The following SLC3A1 variants were observed in gnomAD, a reference collection of about 807,000 sequenced individuals.
The protein encoded by SLC3A1 is solute carrier family 3 member 1, also known as amino acid transporter heavy chain SLC3A1.
In SLC3A1, 78 loss-of-function variants were observed where a neutral mutation model predicts 60.3. The observed-to-expected ratio is 1.29, with a 90% CI of 1.08 to 1.56. The LOEUF is 1.56. Among genes scored for constraint, SLC3A1 ranks in the 40% most tolerant of loss-of-function variants. The pLI is 0.00. For synonymous variants in SLC3A1, 392 were observed against 307.9 expected, an observed-to-expected ratio of 1.27 and a Z score of -2.86; for missense variants, 1,172 against 858.9, an observed-to-expected ratio of 1.36 and a Z score of -4.56.
In SLC3A1 at chr2:44,320,634, T is replaced by C; in HGVS notation, c.2053T>C (p.Cys685Arg). Residue 685 changes from cysteine (C) to arginine (R), a missense_variant, in exon 10 of 10, where the codon TGT becomes CGT. Physicochemically the swap from Cys to Arg is radical, Grantham distance 180 (BLOSUM62 -3). Coordinates refer to ENST00000260649, the MANE Select transcript of SLC3A1 (RefSeq NM_000341.4). ...TGTACTGAACATACTGTATACCTCG[T>C]GTTAGGCACCTTTATGAAGAGATGA... is the stretch of plus-strand genomic sequence containing the variant. Reference protein sequence around the residue: ...SSVLNILYTSC With the variant: ...SSVLNILYTSR 6.2e-7 allele frequency: 1 copy of C among 1,613,274 alleles called. No homozygotes were observed. Among genetic ancestry groups the C allele is most frequent in the Middle Eastern group, 1.7e-4 (1 of 6,056 alleles).
At chr2:44,293,787 G>A (rs1019040029) in intron 4 of SLC3A1, among the ~76,000 whole-genome samples, 4 of 152,112 alleles carry the variant, frequency 2.6e-5, no homozygotes, top group South Asian at 2.1e-4. Flanking sequence ...TCAGGGCGCC[G>A]TACAGTTGCA....
chr2:44,277,411 T>G (rs1671374035), intron 1 of SLC3A1, among the ~76,000 whole-genome samples: 1 of 152,036 alleles, frequency 6.6e-6, no homozygotes, highest in African/African-American at 2.4e-5. Context: ...TCCGGCTGTA[T>G]CATTCTCGTT....
intron 4 of SLC3A1, among the ~76,000 whole-genome samples, chr2:44,287,177 A>G (rs1457031529): frequency 1.3e-5 from 2 of 152,132 alleles, no homozygotes; most frequent in East Asian, 1.9e-4. Flanking sequence ...AAAGCAGGCA[A>G]TTAGCCACTA....
At chr2:44,305,399 CAT>C (rs1043970582) in intron 7 of SLC3A1, among the ~76,000 whole-genome samples, 3 of 150,674 alleles carry the variant, frequency 2.0e-5, no homozygotes, top group African/African-American at 7.3e-5. Context: ...TTCTTTCTCT[CAT>C]ATAAAAGACA....
At chr2:44,276,582 C>G (rs551238357) in intron 1 of SLC3A1, among the ~76,000 whole-genome samples, 165 of 151,814 alleles carry the variant, frequency 1.1e-3, no homozygotes, top group African/African-American at 3.8e-3. Context: ...AAGAATTAAC[C>G]AGGGGTAGTG....
intron 7 of SLC3A1, among the ~76,000 whole-genome samples, chr2:44,304,633 T>A (rs1213172465): frequency 2.0e-5 from 3 of 152,046 alleles, no homozygotes; most frequent in African/African-American, 7.2e-5. Flanking sequence ...TCAGAGTTTA[T>A]GATGTCAATG....
intron 9 of SLC3A1, chr2:44,319,544 T>C (rs1672744912): frequency 6.6e-6 from 1 of 152,468 alleles, no homozygotes; most frequent in Admixed American, 6.5e-5. Context: ...CTTGAAAGGT[T>C]AGAAGTACAT....
chr2:44,285,686 T>A (rs776868888), intron 3 of SLC3A1: 2 of 502,262 alleles, frequency 4.0e-6, no homozygotes, highest in Non-Finnish European at 8.1e-6. Flanking sequence ...ATTTTGCTTC[T>A]CTTCACAAAC....
intron 9 of SLC3A1, among the ~76,000 whole-genome samples, chr2:44,316,758 A>G (rs1672475127): frequency 6.6e-6 from 1 of 152,230 alleles, no homozygotes; most frequent in Non-Finnish European, 1.5e-5. Flanking sequence ...TCTATCTTCA[A>G]AGTTGTAATG....
At chr2:44,276,421 A>G (rs755684793) in intron 1 of SLC3A1, among the ~76,000 whole-genome samples, 6 of 152,224 alleles carry the variant, frequency 3.9e-5, no homozygotes, top group Non-Finnish European at 8.8e-5. Flanking sequence ...TTTTTTAAAA[A>G]TCAAGTGATA....
chr2:44,307,282 T>C (rs1672181982), intron 7 of SLC3A1, among the ~76,000 whole-genome samples: 1 of 152,248 alleles, frequency 6.6e-6, no homozygotes, highest in Non-Finnish European at 1.5e-5. Context: ...CTATTACGAA[T>C]AGTGATGCTA....
At chr2:44,279,573 A>T (rs2104332076) in intron 1 of SLC3A1, among the ~76,000 whole-genome samples, 1 of 152,332 alleles carries the variant, frequency 6.6e-6, no homozygotes, top group South Asian at 2.1e-4. Context: ...ACCGCCCAAA[A>T]GAAATACAAT....
rs1343114373 is a variant in SLC3A1 at position 44,281,246 on chromosome 2, C to T, written c.611-141C>T. 11 of 718,406 alleles carry T rather than the reference C, an allele frequency of 1.5e-5. No homozygotes were observed. In the East Asian group the frequency reaches 2.0e-4, roughly 13 times the overall value. 44.5% of individuals were successfully genotyped at this position (718,406 alleles called of 1,614,324 possible). On this transcript the variant is annotated intron_variant, in intron 2 of 9. Transcript: ENST00000260649. ...CAATCATGGCTCACTTCAGCCTCCA[C>T]CTCCTGGGCTCAAGCAATCCTCCTA...
chr2:44,309,258 C>T (rs564616980), intron 7 of SLC3A1, among the ~76,000 whole-genome samples: 40 of 152,254 alleles, frequency 2.6e-4, no homozygotes, highest in African/African-American at 9.4e-4. Flanking sequence ...CTATTTTCAG[C>T]CTCTATAAAT....
chr2:44,320,070 AT>A (rs756386752), intron 9 of SLC3A1, 128 bp from the exon 10 acceptor site: 4 of 698,482 alleles, frequency 5.7e-6, no homozygotes, highest in South Asian at 1.8e-5. Flanking sequence ...GATGCTTACA[AT>A]TTGGCAATTA....
chr2:44,311,150 A>G (rs1672286267), intron 7 of SLC3A1, among the ~76,000 whole-genome samples: 1 of 152,116 alleles, frequency 6.6e-6, no homozygotes, highest in African/African-American at 2.4e-5. Context: ...TGAGTCTTCA[A>G]GTTTTCTGAT....
At chr2:44,309,742 G>A (rs1672247134) in intron 7 of SLC3A1, among the ~76,000 whole-genome samples, 4 of 152,170 alleles carry the variant, frequency 2.6e-5, no homozygotes, top group Non-Finnish European at 1.5e-5. Context: ...TGGATTACAG[G>A]CATGTGCCAA....
chr2:44,321,888 G>C (rs376119265), downstream of SLC3A1: 13 of 1,613,214 alleles, frequency 8.1e-6, no homozygotes, highest in Non-Finnish European at 1.1e-5. Context: ...AATAATATTA[G>C]GGGTCTGATA....
intron 4 of SLC3A1, among the ~76,000 whole-genome samples, chr2:44,297,574 C>T (rs1671885521): frequency 6.6e-6 from 1 of 152,332 alleles, no homozygotes; most frequent in African/African-American, 2.4e-5. Flanking sequence ...TGAGGACCTG[C>T]ATTATTAGGT....
Sources: gnomAD v4.1 joint callset for allele counts (sites outside exome capture counted in the v4.1 genomes callset) on GRCh38, gnomAD v4.1.1 for gene constraint, MANE v1.5 for transcripts, NCBI Gene and HGNC (gene_info 2026-07-23, HGNC 2026-07-21) for gene names.